GRID2: variants seen among roughly 807,000 people sequenced by gnomAD.
The protein encoded by GRID2 is glutamate ionotropic receptor delta type subunit 2.
Under a neutral mutation model 114.8 loss-of-function variants are expected in GRID2, and 33 were observed. That is an observed-to-expected ratio of 0.29 (90% confidence interval 0.22 to 0.38). The LOEUF is 0.38. Among genes scored for constraint, GRID2 ranks in the 10% least tolerant of loss-of-function variants. The pLI, the probability that GRID2 is intolerant of heterozygous loss-of-function variation, is 1.00. For synonymous variants in GRID2, 505 were observed against 449.9 expected (o/e 1.12, Z -1.55); for missense variants, 1,184 against 1,257.7 (o/e 0.94, Z 0.89).
intron 8 of GRID2, chr4:93,302,673 G>T: frequency 6.8e-6 from 3 of 442,384 alleles, no homozygotes; most frequent in Non-Finnish European, 1.4e-5. Context: ...ATTTTCTGTG[G>T]CAGTTTCATA....
chr4:93,358,693 T>C (rs1334906254), intron 8 of GRID2, among the ~76,000 whole-genome samples: 1 of 152,062 alleles, frequency 6.6e-6, no homozygotes, highest in Admixed American at 6.6e-5. Flanking sequence ...TGTACCAAAT[T>C]CTACTTCAGC....
chr4:92,772,463 T>G (rs948245594), intron 2 of GRID2, among the ~76,000 whole-genome samples: 4 of 152,086 alleles, frequency 2.6e-5, no homozygotes, highest in Non-Finnish European at 5.9e-5. Context: ...CCTTAATGAA[T>G]TGTATACAAT....
intron 3 of GRID2, among the ~76,000 whole-genome samples, chr4:93,104,534 A>C (rs912757688): frequency 1.8e-4 from 27 of 149,446 alleles, no homozygotes; most frequent in African/African-American, 6.7e-4. Flanking sequence ...TTCAATTCCC[A>C]CCTATGAGTG....
chr4:93,207,369 A>G (rs770479037), intron 4 of GRID2, 35 bp from the exon 5 acceptor site: 1 of 1,486,182 alleles, frequency 6.7e-7, no homozygotes, highest in Non-Finnish European at 9.4e-7. Context: ...TGCATGATTA[A>G]TTTTGACTGA....
intron 2 of GRID2, among the ~76,000 whole-genome samples, chr4:92,915,370 A>G (rs1452711292): frequency 6.6e-6 from 1 of 152,156 alleles, no homozygotes; most frequent in Admixed American, 6.6e-5. Context: ...GGGCAAGTAT[A>G]ATGACTGGAA....
At chr4:92,604,762 T>C (rs940340236) in intron 2 of GRID2, among the ~76,000 whole-genome samples, 3 of 152,098 alleles carry the variant, frequency 2.0e-5, no homozygotes, top group African/African-American at 7.2e-5. Context: ...ACCACTGTCC[T>C]TCAGCTTACC....
At chr4:92,967,795 G>A (rs7672245) in intron 2 of GRID2, among the ~76,000 whole-genome samples, 54,281 of 151,716 alleles carry the variant, frequency 0.36, 10,094 homozygotes, top group Admixed American at 0.5. Flanking sequence ...CGAGGGTATA[G>A]CTATTGGATA....
intron 8 of GRID2, among the ~76,000 whole-genome samples, chr4:93,300,539 A>G (rs1043626130): frequency 1.3e-5 from 2 of 152,192 alleles, no homozygotes. Context: ...CTTTTGCTCC[A>G]TCAGTACAAA....
At position 93,533,896 on chromosome 4, in the gene GRID2, T is replaced by C. The variant is rs1731758199; in HGVS notation, c.2193+18485T>C. ...CTTCTGCTCAAAATTGTTCATTGGC[T>C]CCCCACTCCATTCAAGGCCAAAAAC... On this transcript the variant is annotated intron_variant, in intron 13 of 15. Transcript: ENST00000282020. Among the ~76,000 whole-genome samples the C allele has an allele frequency of 3.3e-5, 5 of 152,046 alleles. No homozygotes were observed. In the South Asian group the frequency reaches 1.0e-3, roughly 32 times the overall value.
intron 14 of GRID2, among the ~76,000 whole-genome samples, chr4:93,636,535 C>T (rs10516930): frequency 0.28 from 42,289 of 151,922 alleles, 6,242 homozygotes; most frequent in East Asian, 0.59. Flanking sequence ...ATTTTTAACA[C>T]TCAAAACACT....
rs147186132 is a variant in GRID2, at chr4:92,799,747, G to A, written c.244+209461G>A. Among the ~76,000 whole-genome samples, 1,086 of 152,088 alleles carry A rather than the reference G, an allele frequency of 7.1e-3. 6 individuals carry two copies. Among genetic ancestry groups the A allele is most frequent in the Middle Eastern group, 0.031 (9 of 294 alleles). ...GCATAAAGTCACATTCTAAAGTACT[G>A]GAGGTTAGGGCTTCCACATGTGCAT... is the stretch of plus-strand genomic sequence containing the variant. On this transcript the variant is annotated intron_variant, in intron 2 of 15. Transcript: ENST00000282020.
chr4:93,453,357 A>AGAGT (rs1185482708), intron 10 of GRID2, among the ~76,000 whole-genome samples: 3 of 116,424 alleles, frequency 2.6e-5, no homozygotes, highest in Non-Finnish European at 3.8e-5. Context: ...AGAGAGAGAG[A>AGAGT]GAGTGTGTGT....
intron 2 of GRID2, among the ~76,000 whole-genome samples, chr4:92,629,115 C>T (rs1173591593): frequency 6.6e-6 from 1 of 151,388 alleles, no homozygotes; most frequent in Admixed American, 6.6e-5. Flanking sequence ...AGTAAATATT[C>T]CATCATGTCT....
At chr4:92,600,042 GTGTATATATA>G (rs1444773696) in intron 2 of GRID2, among the ~76,000 whole-genome samples, 147 of 70,348 alleles carry the variant, frequency 2.1e-3, no homozygotes, top group African/African-American at 5.4e-3. Flanking sequence ...GTGTGTGTGT[GTGTATATATA>G]TATATATATA....
At chr4:93,603,220 G>A (rs1037492496) in intron 13 of GRID2, among the ~76,000 whole-genome samples, 1 of 150,136 alleles carries the variant, frequency 6.7e-6, no homozygotes, top group African/African-American at 2.4e-5. Flanking sequence ...CAAAAAAAAA[G>A]AAAAGAAAAG....
intron 8 of GRID2, among the ~76,000 whole-genome samples, chr4:93,389,307 T>G (rs970398024): frequency 2.0e-5 from 3 of 152,198 alleles, no homozygotes; most frequent in African/African-American, 7.2e-5. Context: ...TGCTAAAATA[T>G]TATTAGAAAA....
At chr4:93,422,626 A>C in intron 9 of GRID2, 145 bp from the exon 10 acceptor site, 2 of 594,214 alleles carry the variant, frequency 3.4e-6, no homozygotes, top group South Asian at 4.4e-5. Context: ...ATGATGCGTT[A>C]ATAATGCATA....
chr4:93,221,983 G>C (rs772103884), intron 6 of GRID2, among the ~76,000 whole-genome samples: 4 of 152,112 alleles, frequency 2.6e-5, no homozygotes, highest in Non-Finnish European at 5.9e-5. Flanking sequence ...TAGAACCCAG[G>C]TTACCAGATT....
chr4:92,980,819 A>G (rs1369954969), intron 2 of GRID2, among the ~76,000 whole-genome samples: 1 of 152,168 alleles, frequency 6.6e-6, no homozygotes, highest in Non-Finnish European at 1.5e-5. Flanking sequence ...TTATTGAGGA[A>G]GAATGAATAA....
Sources: allele counts gnomAD v4.1 joint callset (sites outside exome capture counted in the v4.1 genomes callset), GRCh38; gene constraint gnomAD v4.1.1; transcripts MANE v1.5; gene names NCBI Gene and HGNC (gene_info 2026-07-23, HGNC 2026-07-21).